SCN3A: variants seen among roughly 807,000 people sequenced by gnomAD.
SCN3A encodes the protein sodium channel protein type 3 subunit alpha.
Under a neutral mutation model 187.6 loss-of-function variants are expected in SCN3A, and 60 were observed. The observed-to-expected ratio is 0.32, with a 90% CI of 0.26 to 0.40. The LOEUF (loss-of-function observed/expected upper bound fraction) is 0.40. SCN3A is among the 10% of genes least tolerant of loss of function. SCN3A has a pLI of 1.00. For synonymous variants in SCN3A, 788 were observed against 829.2 expected, an observed-to-expected ratio of 0.95 and a Z score of 0.85; for missense variants, 1,601 against 2,428.2, an observed-to-expected ratio of 0.66 and a Z score of 7.16.
At chr2:165,122,647 C>T (rs1686764749) in intron 18 of SCN3A, 1 of 152,180 alleles carries the variant, frequency 6.6e-6, no homozygotes, top group South Asian at 2.1e-4. Flanking sequence ...GTTGGGATTG[C>T]CCATCTCGCC....
chr2:165,095,399 A>G, intron 25 of SCN3A, 112 bp downstream of exon 25: 1 of 1,157,244 alleles, frequency 8.6e-7, no homozygotes, highest in Non-Finnish European at 1.3e-6. Flanking sequence ...GGCAACTGAA[A>G]ATAATATAAA....
Position 165,100,412 on chromosome 2 carries a change from T to G in SCN3A, c.3856A>C (p.Ser1286Arg), listed in dbSNP as rs538251957. The G allele has an allele frequency of 1.3e-5, 21 of 1,613,852 alleles. No homozygotes were observed. Among genetic ancestry groups the G allele is most frequent in the South Asian group, 6.6e-5 (6 of 91,066 alleles). ...TAGCCAAGAGCATTGGCTACCAGGCTAACCAAAGAAACCTACAAAAGGAAA... is the reference window on the plus strand; with the variant it reads ...TAGCCAAGAGCATTGGCTACCAGGCGAACCAAAGAAACCTACAAAAGGAAA... ...DFLIVDVSLV[S>R]LVANALGYSE... Residue 1286 changes from serine (S) to arginine (R), a missense_variant, in exon 22 of 28, where the codon AGC becomes CGC. Coordinates refer to ENST00000283254, the MANE Select transcript of SCN3A (RefSeq NM_006922.4).
Position 165,164,524 on chromosome 2 carries a change from G to A in SCN3A, c.474-4C>T, listed in dbSNP as rs371709966. 114 of 1,613,352 alleles carry A rather than the reference G, an allele frequency of 7.1e-5. No homozygotes were observed. Among genetic ancestry groups the A allele is most frequent in the Non-Finnish European group, 9.6e-5 (113 of 1,179,556 alleles). On this transcript the variant is annotated splice_region_variant and splice_polypyrimidine_tract_variant and intron_variant, in intron 5 of 27. Transcript: ENST00000283254. ...ATAGATTCCAGTGAATGTGTACCTAGGAAAAACATCCAAGCCAAAATTAAC... is the reference window on the plus strand; with the variant it reads ...ATAGATTCCAGTGAATGTGTACCTAAGAAAAACATCCAAGCCAAAATTAAC...
In SCN3A at chr2:165,137,866, C is replaced by A. The variant is rs1227543143; in HGVS notation, c.2391+13G>T. 1.9e-6 allele frequency: 3 copies of A among 1,576,530 alleles called. No homozygotes were observed. The highest frequency in any genetic ancestry group is 2.6e-6 in the Non-Finnish European group (3 of 1,146,208). ...TCTACCAAAGTAAATAAGTAAACTT[C>A]AAATGTACTTACCAGGTTTCCTACA... is the stretch of plus-strand genomic sequence containing the variant. On this transcript the variant is annotated intron_variant, in intron 15 of 27. Transcript: ENST00000283254.
At chr2:165,167,387 A>AT (rs1252927579) in intron 5 of SCN3A, among the ~76,000 whole-genome samples, 1 of 152,080 alleles carries the variant, frequency 6.6e-6, no homozygotes, top group African/African-American at 2.4e-5. Context: ...TTTAAATAAC[A>AT]TGTTAAATAA....
At chr2:165,106,631 C>T (rs1362925304) in intron 21 of SCN3A, among the ~76,000 whole-genome samples, 1 of 152,174 alleles carries the variant, frequency 6.6e-6, no homozygotes, top group African/African-American at 2.4e-5. Context: ...GTAGATGCTG[C>T]ATAAGTTGTT....
At chr2:165,121,531 C>T (rs1686675940) in intron 18 of SCN3A, among the ~76,000 whole-genome samples, 1 of 152,088 alleles carries the variant, frequency 6.6e-6, no homozygotes, top group South Asian at 2.1e-4. Context: ...CATAAATCAC[C>T]ATGGACTGTA....
intron 20 of SCN3A, 106 bp from the exon 21 acceptor site, chr2:165,113,164 GATA>G: frequency 1.2e-6 from 1 of 836,460 alleles, no homozygotes; most frequent in Non-Finnish European, 1.9e-6. Flanking sequence ...TTTGATTATT[GATA>G]TTTTACATAA....
chr2:165,113,929 C>T lies in SCN3A; in HGVS notation c.3556G>A (p.Glu1186Lys), dbSNP rs1489450980. The T allele has an allele frequency of 6.2e-7, 1 of 1,612,148 alleles. No homozygotes were observed. Among genetic ancestry groups the T allele is most frequent in the South Asian group, 1.1e-5 (1 of 91,034 alleles). Residue 1186 changes from glutamate to lysine, a missense_variant, in exon 20 of 28, where the codon GAA becomes AAA. Glu to Lys is a moderately conservative substitution (Grantham distance 56). Coordinates refer to ENST00000283254, the MANE Select transcript of SCN3A (RefSeq NM_006922.4). ...KFPFCQVSTE[E>K]GKGKIWWNLR... ...TTCCACCAGATCTTCCCTTTGCCTTCTTCTGTACTTACTTGACAGAATGGA... is the reference window on the plus strand; with the variant it reads ...TTCCACCAGATCTTCCCTTTGCCTTTTTCTGTACTTACTTGACAGAATGGA...
chr2:165,164,411 A>G lies in SCN3A; in HGVS notation c.583T>C (p.Phe195Leu). Residue 195 changes from phenylalanine (F) to leucine (L), a missense_variant, in exon 6 of 28, where the codon TTC (phenylalanine) becomes CTC (leucine). Physicochemically the swap from Phe to Leu is conservative, Grantham distance 22. This residue lies in a region of SCN3A where 122 missense variants were observed against 225.1 expected (regional missense o/e 0.54). Transcript: ENST00000283254. ...ACTCACGCCATCACAATGACACTGA[A>G]ATCCAGCCAGTTCCATGGATCACGA... is the stretch of plus-strand genomic sequence containing the variant. The part of the protein sequence containing the change: ...FLRDPWNWLD[F>L]SVIVMAYVTE... The G allele has an allele frequency of 6.2e-7, 1 of 1,613,834 alleles. No homozygotes were observed.
chr2:165,116,043 T>A (rs1686353564), intron 18 of SCN3A, among the ~76,000 whole-genome samples: 1 of 152,196 alleles, frequency 6.6e-6, no homozygotes, highest in African/African-American at 2.4e-5. Context: ...TGTTTCTAAG[T>A]ATTGTCCATG....
chr2:165,156,512 C>CAAAAAAAAAAA (rs558407270), intron 9 of SCN3A, among the ~76,000 whole-genome samples: 13 of 63,704 alleles, frequency 2.0e-4, no homozygotes, highest in South Asian at 7.9e-4. Context: ...GACTCTGACT[C>CAAAAAAAAAAA]AAAAAAAAAA....
chr2:165,146,718 G>C, intron 12 of SCN3A, 21 bp downstream of exon 12: 1 of 1,613,462 alleles, frequency 6.2e-7, no homozygotes, highest in Admixed American at 1.7e-5. Flanking sequence ...AGAAACCAGA[G>C]CACTTAGTAG....
At chr2:165,093,784 T>C (rs1323946834) in intron 26 of SCN3A, 1 of 152,526 alleles carries the variant, frequency 6.6e-6, no homozygotes, top group Non-Finnish European at 1.5e-5. Flanking sequence ...GATTCGTATG[T>C]TCTTTGGGCC....
chr2:165,153,986 CA>C (rs1688855475), intron 11 of SCN3A, among the ~76,000 whole-genome samples: 4 of 39,170 alleles, frequency 1.0e-4, no homozygotes, highest in Admixed American at 4.7e-4. Context: ...CTATAGCAAA[CA>C]TTTTTTTTTT....
chr2:165,093,818 T>A (rs1685229846), intron 26 of SCN3A: 1 of 153,022 alleles, frequency 6.5e-6, no homozygotes, highest in African/African-American at 2.4e-5. Context: ...TCCTTACCAA[T>A]CTCAGAAAAT....
Position 165,191,471 on chromosome 2 carries a change from A to G in SCN3A, c.-247-4724T>C, listed in dbSNP as rs1179543479. Among the ~76,000 whole-genome samples the G allele has an allele frequency of 2.6e-5, 4 of 151,888 alleles. No homozygotes were observed. In the East Asian group the frequency reaches 5.8e-4, roughly 22 times the overall value. On this transcript the variant is annotated intron_variant, in intron 1 of 27. Coordinates refer to ENST00000283254, the MANE Select transcript of SCN3A (RefSeq NM_006922.4). ...TATCTAGTGGAAGGCACCTCCTTCT[A>G]TTCTCCTCCTCCCTCAGTTCTCTGT... is the stretch of plus-strand genomic sequence containing the variant.
At position 165,089,772 on chromosome 2, in the gene SCN3A, A is replaced by G. The variant is rs1409941024; in HGVS notation, c.*378T>C. Reference sequence around the variant, plus strand: ...TATGAATTGGGGACCATGGAAATGCACTAGAACAAATTTTGTAAAAATATG... The same window carrying G: ...TATGAATTGGGGACCATGGAAATGCGCTAGAACAAATTTTGTAAAAATATG... On this transcript the variant is annotated 3_prime_UTR_variant, in exon 28 of 28. Transcript: ENST00000283254. 5.1e-6 allele frequency: 1 copy of G among 196,666 alleles called. No individual in the cohort carries two copies. Among genetic ancestry groups the G allele is most frequent in the East Asian group, 1.3e-4 (1 of 7,718 alleles). The allele number at this position is 196,666 out of a possible 1,614,324, so 12.2% of individuals were successfully genotyped here. A position where few individuals can be genotyped will look rare whatever the true frequency, so the allele number is the denominator to read the frequency against.
Position 165,092,743 on chromosome 2 carries a change from G to A in SCN3A, c.4537-219C>T, listed in dbSNP as rs1253288782. 5 of 528,986 alleles carry A rather than the reference G, an allele frequency of 9.5e-6. No homozygotes were observed. The highest frequency in any genetic ancestry group is 1.9e-5 in the African/African-American group (1 of 52,364). The allele number at this position is 528,986 out of a possible 1,614,324, so 32.8% of individuals were successfully genotyped here. On this transcript the variant is annotated intron_variant, in intron 26 of 27. Coordinates refer to ENST00000283254, the MANE Select transcript of SCN3A (RefSeq NM_006922.4). This position sits in a 1 kb window ranked among gnomAD's most constrained non-coding sequence, Gnocchi z 4.2. ...CATATTTGGTTTATATAGGTCCTAT[G>A]GAAAGACAAAGCTGGATGAGACATA...
Sources: gnomAD v4.1 joint callset for allele counts (sites outside exome capture counted in the v4.1 genomes callset) on GRCh38, gnomAD v4.1.1 for gene constraint, gnomAD v4.1.1 regional missense constraint, Gnocchi (gnomAD v3.1) non-coding constraint, MANE v1.5 for transcripts, NCBI Gene and HGNC (gene_info 2026-07-23, HGNC 2026-07-21) for gene names.